Variants in FBF1 observed in about 807,000 individuals in gnomAD.
FBF1 encodes Fas binding factor 1.
Under a neutral mutation model 147.2 loss-of-function variants are expected in FBF1, and 119 were observed. That is an observed-to-expected ratio of 0.81 (90% CI 0.70 to 0.94). The LOEUF is 0.94. Among genes scored for constraint, FBF1 ranks in the 40% least tolerant of loss-of-function variants. The pLI, the probability that FBF1 is intolerant of heterozygous loss-of-function variation, is 0.00. For synonymous variants in FBF1, 601 were observed against 609.0 expected (o/e 0.99, Z 0.19); for missense variants, 1,449 against 1,500.8 (o/e 0.97, Z 0.57).
intron 25 of FBF1, 191 bp from the exon 26 acceptor site, chr17:75,914,489 G>T: frequency 1.1e-6 from 1 of 950,800 alleles, no homozygotes; most frequent in Non-Finnish European, 1.5e-6. Context: ...ACTGTGGCAG[G>T]CTCAACTCTG....
At chr17:75,921,360 G>A in intron 16 of FBF1, 58 bp from the exon 17 acceptor site, 5 of 1,555,146 alleles carry the variant, frequency 3.2e-6, no homozygotes, top group South Asian at 1.2e-5. Flanking sequence ...GCCTGCGAGT[G>A]TCCAGGAGGG....
Position 75,919,974 on chromosome 17 carries a change from T to G in FBF1, c.1931+33A>C, listed in dbSNP as rs1317291260. 1 of 1,610,106 alleles carries G rather than the reference T, an allele frequency of 6.2e-7. No homozygotes were observed. Among genetic ancestry groups the G allele is most frequent in the South Asian group, 1.1e-5 (1 of 90,932 alleles). On this transcript the variant is annotated intron_variant, in intron 19 of 29. Coordinates refer to ENST00000636174, the MANE Select transcript of FBF1 (RefSeq NM_001319193.2). This position sits in a 1 kb window ranked among gnomAD's most constrained non-coding sequence, Gnocchi z 5.0. ...GGTGGCCTTTGGGGTCAGTGTGAGA[T>G]CCAAGGCAGAGCTGGGGCCAGCGCC...
chr17:75,921,489 C>G lies in FBF1; in HGVS notation c.1598G>C (p.Gly533Ala). The G allele has an allele frequency of 6.2e-7, 1 of 1,612,928 alleles. No individual in the cohort carries two copies. Among genetic ancestry groups the G allele is most frequent in the Non-Finnish European group, 8.5e-7 (1 of 1,179,486 alleles). The change falls in exon 16 of 30, where the codon GGA becomes GCA. Residue 533 changes from glycine to alanine, a missense_variant. By Grantham distance (60) the Gly-to-Ala change is moderately conservative. Transcript: ENST00000636174. ...AAACAAACCAGTGGCTGAGAGGTCT[C>G]CAGGGGCTGTTCCCCTCTTTGGGGA... Reference protein sequence around the residue: ...TGSPKRGTAPGDLSATEPATC... With the variant: ...TGSPKRGTAPADLSATEPATC...
chr17:75,922,095 G>A lies in FBF1; in HGVS notation c.1425-49C>T. 6.6e-7 allele frequency: 1 copy of A among 1,505,394 alleles called. No individual in the cohort carries two copies. The highest frequency in any genetic ancestry group is 1.2e-5 in the South Asian group (1 of 82,822). 93.3% of individuals were successfully genotyped at this position (1,505,394 alleles called of 1,614,324 possible). On this transcript the variant is annotated intron_variant, in intron 14 of 29. Transcript: ENST00000636174. The surrounding 1 kb of genome is among the most constrained non-coding windows in gnomAD (Gnocchi z 5.0). The stretch of plus-strand genomic sequence containing the variant: ...TGAAGGTGACAGAAGGCCCAGGTCA[G>A]GCTGGATGAAGACAGGGCCCAGGAC...
chr17:75,935,481 A>T, intron 4 of FBF1, 151 bp downstream of exon 4: 1 of 712,230 alleles, frequency 1.4e-6, no homozygotes, highest in South Asian at 2.0e-5. Flanking sequence ...GGCCGGGTGT[A>T]GTGGCTTATG....
rs770231882 is a variant in FBF1 at position 75,920,054 on chromosome 17, C to G, written c.1884G>C (p.Leu628=). The change falls in exon 19 of 30, where the codon CTG becomes CTC. Residue 628 remains leucine, a synonymous_variant. Transcript: ENST00000636174. ...RAQHELLLGS[L]QQQHQADLEL... is the part of the protein sequence containing the mutation. ...CCAGGTCTGCCTGGTGCTGCTGCTG[C>G]AGACTCCCCAGCAGCAGCTCATGCT... The G allele has an allele frequency of 1.2e-6, 2 of 1,600,648 alleles. No homozygotes were observed. Among genetic ancestry groups the G allele is most frequent in the African/African-American group, 2.7e-5 (2 of 74,562 alleles).
rs756500784 is a variant in FBF1 at position 75,915,024 on chromosome 17, C to G, written c.2621G>C (p.Arg874Pro). ...TGCGGTGGCTTGACTCACCTTGGCC[C>G]GTTCCAGCTCCGCCCTTTCCATGGC... ...QMAMERAELE[R>P]AKSALLEEQK... The change falls in exon 24 of 30, where the codon CGG (arginine) becomes CCG (proline). Residue 874 changes from arginine (R) to proline (P), a missense_variant. Transcript: ENST00000636174. The G allele has an allele frequency of 6.2e-7, 1 of 1,613,454 alleles. No individual in the cohort carries two copies. The highest frequency in any genetic ancestry group is 8.5e-7 in the Non-Finnish European group (1 of 1,179,828).
chr17:75,915,140 C>G lies in FBF1; in HGVS notation c.2506-1G>C. 6.2e-7 allele frequency: 1 copy of G among 1,608,438 alleles called. No homozygotes were observed. On this transcript the variant is annotated splice_acceptor_variant, in intron 23 of 29. Transcript: ENST00000636174. LOFTEE classifies it high-confidence loss of function. ...GCTCGGCAGTCACCCGCCAGCGTTCCTGTAGGGCCCAGGGCAGGACTGAGA... is the reference window on the plus strand; with the variant it reads ...GCTCGGCAGTCACCCGCCAGCGTTCGTGTAGGGCCCAGGGCAGGACTGAGA...
rs7207106 is a variant in FBF1, at chr17:75,918,565, T to G, written c.2139-296A>C. On this transcript the variant is annotated intron_variant, in intron 20 of 29. Transcript: ENST00000636174. The surrounding 1 kb of genome is among the most constrained non-coding windows in gnomAD (Gnocchi z 5.8). ...CAGGCTGGAGTTCAGTGGCATGATC[T>G]CGGCTCACTGCAACCTCTGCCTCCT... Among the ~76,000 whole-genome samples the G allele has an allele frequency of 6.6e-6, 1 of 152,050 alleles. No homozygotes were observed. Among genetic ancestry groups the G allele is most frequent in the Admixed American group, 6.5e-5 (1 of 15,272 alleles).
In FBF1 at chr17:75,926,779, G is replaced by A; in HGVS notation, c.574C>T (p.Pro192Ser). The change falls in exon 10 of 30, where the codon CCC (proline) becomes TCC (serine). Residue 192 changes from proline (P) to serine (S), a missense_variant. Transcript: ENST00000636174. ...CTACCTTGATCTCTCACTGTGCTGG[G>A]GCTCTTGTCAGAAGCTGTTTTACTC... The part of the protein sequence containing the change: ...TQSKTASDKS[P>S]STVRDQGPSI... The A allele has an allele frequency of 6.2e-7, 1 of 1,613,738 alleles. No homozygotes were observed. Among genetic ancestry groups the A allele is most frequent in the Non-Finnish European group, 8.5e-7 (1 of 1,179,826 alleles).
chr17:75,913,711 T>C lies in FBF1; in HGVS notation c.3238A>G (p.Ser1080Gly). 6.3e-7 allele frequency: 1 copy of C among 1,595,530 alleles called. No homozygotes were observed. Among genetic ancestry groups the C allele is most frequent in the Non-Finnish European group, 8.5e-7 (1 of 1,177,910 alleles). The change falls in exon 28 of 30, where the codon AGC (serine) becomes GGC (glycine). Residue 1080 changes from serine to glycine, a missense_variant. By Grantham distance (56) the Ser-to-Gly change is moderately conservative. Coordinates refer to ENST00000636174, the MANE Select transcript of FBF1 (RefSeq NM_001319193.2). ...FPRAQGPAAS[S>G]QSALMPPAPT... The stretch of plus-strand genomic sequence containing the variant: ...TTCTGGAGCCACTCACCACTCTGGC[T>C]GGAGGCTGCAGGGCCCTGGGCCCTG...
At chr17:75,929,791 C>G (rs762087046) in intron 7 of FBF1, among the ~76,000 whole-genome samples, 77 of 152,142 alleles carry the variant, frequency 5.1e-4, no homozygotes, top group Non-Finnish European at 1.0e-3. Flanking sequence ...ACTCTCCACT[C>G]TCTATATACC....
chr17:75,921,161 C>A, intron 17 of FBF1, 83 bp downstream of exon 17: 1 of 1,398,276 alleles, frequency 7.2e-7, no homozygotes, highest in South Asian at 1.2e-5. Context: ...GGCAGGTCGT[C>A]AGGTCAAACT....
chr17:75,938,041 T>C (rs1179818769), intron 2 of FBF1, 106 bp downstream of exon 2: 62 of 1,532,986 alleles, frequency 4.0e-5, no homozygotes, highest in Non-Finnish European at 5.4e-5. Flanking sequence ...TCCATCCTGG[T>C]CCTTGCCGCC....
At chr17:75,929,964 C>CCCCCCTTTAA in intron 7 of FBF1, 33 bp downstream of exon 7, 6 of 1,402,200 alleles carry the variant, frequency 4.3e-6, no homozygotes, top group South Asian at 1.2e-5. Context: ...CACCCACCCC[C>CCCCCCTTTAA]AGTTCTAAGA....
rs1018050382 is a variant in FBF1, at chr17:75,931,265, G to A, written c.192C>T (p.Phe64=). ...RTKSLLGDDV[F]STMAGLEEAD... ...CTTCTTCCAGGCCTGCCATGGTGCT[G>A]AAGACATCATCACCCAGGAGGGACC... The change falls in exon 6 of 30, where the codon TTC becomes TTT. Residue 64 remains phenylalanine (F), a synonymous_variant. Transcript: ENST00000636174. 7 of 1,584,174 alleles carry A rather than the reference G, an allele frequency of 4.4e-6. No individual in the cohort carries two copies. In the African/African-American group the frequency reaches 5.4e-5, roughly 12 times the overall value.
intron 25 of FBF1, 139 bp downstream of exon 25, chr17:75,914,608 T>C: frequency 2.2e-6 from 2 of 904,062 alleles, no homozygotes; most frequent in South Asian, 1.8e-5. Flanking sequence ...AGCATGATGA[T>C]GCGATTACTG....
intron 7 of FBF1, among the ~76,000 whole-genome samples, 164 bp downstream of exon 7, chr17:75,929,833 G>A (rs2144186116): frequency 6.6e-6 from 1 of 152,284 alleles, no homozygotes; most frequent in Middle Eastern, 3.4e-3. Flanking sequence ...GAAAGGCAAG[G>A]AGGCCAACGG....
At chr17:75,937,831 T>C in intron 2 of FBF1, 1 of 633,220 alleles carries the variant, frequency 1.6e-6, no homozygotes. Context: ...AGGTCACTCC[T>C]TTCCCAGACA....
Sources: allele counts gnomAD v4.1 joint callset (sites outside exome capture counted in the v4.1 genomes callset), GRCh38; gene constraint gnomAD v4.1.1; non-coding constraint Gnocchi (gnomAD v3.1); transcripts MANE v1.5; gene names NCBI Gene and HGNC (gene_info 2026-07-23, HGNC 2026-07-21).